Variants in RAB3IP observed in about 807,000 individuals in gnomAD.
RAB3IP encodes rab-3A-interacting protein.
Under a neutral mutation model 59.1 loss-of-function variants are expected in RAB3IP, and 36 were observed. That is an observed-to-expected ratio of 0.61 (90% CI 0.47 to 0.80). RAB3IP has a LOEUF of 0.80. RAB3IP is among the 30% of genes least tolerant of loss of function. The pLI, the probability that RAB3IP is intolerant of heterozygous loss-of-function variation, is 0.00. For synonymous variants in RAB3IP, 207 were observed against 191.2 expected (o/e 1.08, Z -0.68); for missense variants, 511 against 536.0 (o/e 0.95, Z 0.46).
chr12:69,816,404 T>C lies in RAB3IP; in HGVS notation c.*958T>C, dbSNP rs1377569891. Reference sequence around the variant, plus strand: ...CTGTTAATATTTTTGGATAGTAGCCTTTCAGCTTTCAGATATTTTCTACTT... The same window carrying C: ...CTGTTAATATTTTTGGATAGTAGCCCTTCAGCTTTCAGATATTTTCTACTT... On this transcript the variant is annotated 3_prime_UTR_variant, in exon 11 of 11. Transcript: ENST00000247833. The C allele has an allele frequency of 6.6e-6, 1 of 152,232 alleles. No homozygotes were observed. Among genetic ancestry groups the C allele is most frequent in the African/African-American group, 2.4e-5 (1 of 41,460 alleles). The allele number at this position is 152,232 out of a possible 1,614,324, so 9.4% of individuals were successfully genotyped here. A position where few individuals can be genotyped will look rare whatever the true frequency, so the allele number is the denominator to read the frequency against.
chr12:69,759,871 G>C (rs1870991313), intron 3 of RAB3IP, among the ~76,000 whole-genome samples: 1 of 152,052 alleles, frequency 6.6e-6, no homozygotes, highest in African/African-American at 2.4e-5. Flanking sequence ...CTGCCGGGCA[G>C]AGACGCTCCT....
intron 3 of RAB3IP, among the ~76,000 whole-genome samples, chr12:69,782,605 T>A (rs1177184651): frequency 6.6e-6 from 1 of 152,246 alleles, no homozygotes; most frequent in Non-Finnish European, 1.5e-5. Context: ...GGGTCGTTCT[T>A]TTCTCACTGT....
chr12:69,769,575 C>A (rs1225530040), intron 3 of RAB3IP, among the ~76,000 whole-genome samples: 3 of 152,146 alleles, frequency 2.0e-5, no homozygotes, highest in Non-Finnish European at 4.4e-5. Context: ...TCCTTTTATG[C>A]CTTATCTTGT....
At chr12:69,764,670 A>G (rs1366758828) in intron 3 of RAB3IP, among the ~76,000 whole-genome samples, 1 of 145,996 alleles carries the variant, frequency 6.8e-6, no homozygotes, top group African/African-American at 2.5e-5. Context: ...TTTTTTTTTT[A>G]GTTCTGTGAA....
intron 8 of RAB3IP, among the ~76,000 whole-genome samples, chr12:69,807,054 G>C (rs994570177): frequency 6.6e-6 from 1 of 151,952 alleles, no homozygotes; most frequent in South Asian, 2.1e-4. Flanking sequence ...CAACAAAACC[G>C]CCATCGTCAT....
At chr12:69,806,457 T>A (rs1879286177) in intron 8 of RAB3IP, among the ~76,000 whole-genome samples, 1 of 152,096 alleles carries the variant, frequency 6.6e-6, no homozygotes, top group South Asian at 2.1e-4. Flanking sequence ...GCTCCTGGAT[T>A]CATTGATTTT....
intron 3 of RAB3IP, among the ~76,000 whole-genome samples, chr12:69,768,811 A>C (rs1255910080): frequency 6.6e-6 from 1 of 152,088 alleles, no homozygotes; most frequent in East Asian, 1.9e-4. Context: ...ACCTCACTCT[A>C]AAACAGGTGC....
intron 10 of RAB3IP, among the ~76,000 whole-genome samples, chr12:69,813,897 C>G (rs1286007493): frequency 2.0e-5 from 3 of 152,064 alleles, no homozygotes; most frequent in Non-Finnish European, 1.5e-5. Flanking sequence ...CTGATAAAAA[C>G]TTAGTTTAGC....
At chr12:69,749,767 C>A (rs986420484) in intron 1 of RAB3IP, among the ~76,000 whole-genome samples, 3 of 152,112 alleles carry the variant, frequency 2.0e-5, no homozygotes, top group African/African-American at 7.2e-5. Context: ...TTTGTCCTTC[C>A]CGTGTGGTCT....
chr12:69,809,800 T>C (rs556267701), intron 8 of RAB3IP, among the ~76,000 whole-genome samples: 8 of 152,154 alleles, frequency 5.3e-5, no homozygotes, highest in Non-Finnish European at 1.2e-4. Context: ...TATCCATTCG[T>C]CTAATTTTTT....
At chr12:69,809,418 C>T (rs1592624827) in intron 8 of RAB3IP, among the ~76,000 whole-genome samples, 1 of 152,266 alleles carries the variant, frequency 6.6e-6, no homozygotes, top group Middle Eastern at 3.4e-3. Flanking sequence ...GTAGCATTCT[C>T]TGTATTTCCT....
chr12:69,772,256 A>G (rs891241103), intron 3 of RAB3IP, among the ~76,000 whole-genome samples: 2 of 151,992 alleles, frequency 1.3e-5, no homozygotes, highest in African/African-American at 2.4e-5. Flanking sequence ...TTGTTTTTCA[A>G]TTTGCATTGA....
intron 6 of RAB3IP, among the ~76,000 whole-genome samples, chr12:69,797,371 C>A (rs141821672): frequency 3.9e-5 from 6 of 151,960 alleles, no homozygotes; most frequent in African/African-American, 9.6e-5. Context: ...TGGTTCCTGG[C>A]AGAGTCAGCT....
At chr12:69,750,282 C>T (rs995075185) in intron 1 of RAB3IP, among the ~76,000 whole-genome samples, 2 of 152,160 alleles carry the variant, frequency 1.3e-5, no homozygotes, top group African/African-American at 4.8e-5. Flanking sequence ...CTTGGCTTCC[C>T]ATTCCCTTCC....
chr12:69,811,339 A>T (rs1592631660), intron 8 of RAB3IP, among the ~76,000 whole-genome samples: 1 of 152,138 alleles, frequency 6.6e-6, no homozygotes, highest in Admixed American at 6.5e-5. Context: ...CCCGCATGAC[A>T]CATGTTTACC....
chr12:69,745,892 G>A (rs1224793439), intron 1 of RAB3IP, among the ~76,000 whole-genome samples: 2 of 152,116 alleles, frequency 1.3e-5, no homozygotes, highest in Non-Finnish European at 2.9e-5. Context: ...ACACACCAGA[G>A]TTTGAATACT....
intron 1 of RAB3IP, among the ~76,000 whole-genome samples, chr12:69,743,888 G>A (rs767251870): frequency 2.7e-5 from 4 of 148,700 alleles, no homozygotes; most frequent in South Asian, 2.2e-4. Flanking sequence ...TAGTCAGTGC[G>A]TATTTCAGCA....
chr12:69,795,380 G>A, intron 6 of RAB3IP, 36 bp downstream of exon 6: 1 of 1,536,874 alleles, frequency 6.5e-7, no homozygotes, highest in Non-Finnish European at 9.0e-7. Context: ...TGACTCTGTT[G>A]ATACTTGTTA....
At chr12:69,806,852 C>G (rs1442431387) in intron 8 of RAB3IP, among the ~76,000 whole-genome samples, 1 of 151,950 alleles carries the variant, frequency 6.6e-6, no homozygotes, top group Non-Finnish European at 1.5e-5. Flanking sequence ...TCCATTTAAC[C>G]CTGAGTTGAC....
Sources: gnomAD v4.1 joint callset for allele counts (sites outside exome capture counted in the v4.1 genomes callset) on GRCh38, gnomAD v4.1.1 for gene constraint, MANE v1.5 for transcripts, NCBI Gene and HGNC (gene_info 2026-07-23, HGNC 2026-07-21) for gene names.